Variants in FRAS1 observed in about 807,000 individuals in gnomAD.
FRAS1 encodes Fraser extracellular matrix complex subunit 1.
In FRAS1, 290 loss-of-function variants were observed where a neutral mutation model predicts 435.2. The ratio of observed to expected loss-of-function variants is 0.67; its 90% confidence interval spans 0.61 to 0.73. The LOEUF is 0.73. Ranked by LOEUF, FRAS1 falls within the 30% of genes least tolerant of loss-of-function variation. The probability of loss-of-function intolerance (pLI) is 0.00; values close to 1 mark genes in which losing one functional copy is unlikely to be tolerated. For missense variants in FRAS1, 4,860 were observed against 5,001.5 expected (o/e 0.97, Z 0.85); for synonymous variants, 1,800 against 1,851.0 (o/e 0.97, Z 0.71).
chr4:78,240,727 C>T (rs1724965826), intron 3 of FRAS1, among the ~76,000 whole-genome samples: 1 of 152,144 alleles, frequency 6.6e-6, no homozygotes, highest in Non-Finnish European at 1.5e-5. Context: ...TTAAAGAACT[C>T]ATCCAAAGAG....
chr4:78,343,792 A>G (rs1006882430), intron 20 of FRAS1, among the ~76,000 whole-genome samples: 1 of 152,204 alleles, frequency 6.6e-6, no homozygotes, highest in African/African-American at 2.4e-5. Context: ...GGAGCCTGGT[A>G]CGAGCCAGGG....
chr4:78,269,362 G>A (rs1372415197), intron 9 of FRAS1, among the ~76,000 whole-genome samples: 1 of 152,196 alleles, frequency 6.6e-6, no homozygotes, highest in Admixed American at 6.5e-5. Flanking sequence ...CAGTGGAAGT[G>A]CCCTTTTGAT....
At chr4:78,400,938 G>A (rs1732868629) in intron 30 of FRAS1, 51 bp downstream of exon 30, 1 of 1,584,208 alleles carries the variant, frequency 6.3e-7, no homozygotes, top group Admixed American at 1.7e-5. Flanking sequence ...CAGCAGTCTA[G>A]GGTTTGCTAC....
At position 78,429,197 on chromosome 4, in the gene FRAS1, C is replaced by T. The variant is rs749776166; in HGVS notation, c.4814C>T (p.Ala1605Val). ...TTCCAGGTCACAGCTCCACGGCTGG[C>T]GGTCAGCCCAGGAGGCAGCACTTCT... ...PVFQVTAPRL[A>V]VSPGGSTSVG... is the part of the protein sequence containing the mutation. Residue 1605 changes from alanine (A) to valine (V), a missense_variant, in exon 36 of 74, where the codon GCG (alanine) becomes GTG (valine). Transcript: ENST00000512123. 2.2e-5 allele frequency: 35 copies of T among 1,606,606 alleles called. No homozygotes were observed. Among genetic ancestry groups the T allele is most frequent in the South Asian group, 3.4e-5 (3 of 88,714 alleles).
rs773165523 is a variant in FRAS1, at chr4:78,508,757, T to C, written c.9531T>C (p.His3177=). The C allele has an allele frequency of 9.9e-6, 16 of 1,613,692 alleles. No homozygotes were observed. The highest frequency in any genetic ancestry group is 5.0e-5 in the Admixed American group (3 of 59,978). Residue 3177 remains histidine (H), a synonymous_variant, in exon 63 of 74, where the codon CAT becomes CAC. Coordinates refer to ENST00000512123, the MANE Select transcript of FRAS1 (RefSeq NM_025074.7). ...PIVVTLADYD[H]VEEVTKEGVK... ...TGGTCACACTTGCTGACTATGACCA[T>C]GTGGAAGAAGTTACCAAGGAAGGAG...
intron 2 of FRAS1, among the ~76,000 whole-genome samples, chr4:78,227,555 G>A (rs1724329518): frequency 6.6e-6 from 1 of 152,240 alleles, no homozygotes; most frequent in African/African-American, 2.4e-5. Context: ...GTGAGTGTTA[G>A]TACAACTCAG....
rs530853220 is a variant in FRAS1 at position 78,224,639 on chromosome 4, C to G, written c.109-12871C>G. Among the ~76,000 whole-genome samples the G allele has an allele frequency of 2.0e-4, 30 of 152,100 alleles. No homozygotes were observed. In the South Asian group the frequency reaches 6.2e-3, roughly 32 times the overall value. On this transcript the variant is annotated intron_variant, in intron 2 of 73. Transcript: ENST00000512123. Reference sequence around the variant, plus strand: ...CCTCGACTTCCCAGTCTCAAGCAATCCCCCCACCTCAGCTTCCCATGTAGC... The same window carrying G: ...CCTCGACTTCCCAGTCTCAAGCAATGCCCCCACCTCAGCTTCCCATGTAGC...
At chr4:78,218,449 G>A (rs765833763) in intron 2 of FRAS1, among the ~76,000 whole-genome samples, 12 of 152,148 alleles carry the variant, frequency 7.9e-5, no homozygotes, top group Non-Finnish European at 1.5e-4. Context: ...AGTTCATTAC[G>A]TGAGCATTGC....
Position 78,255,379 on chromosome 4 carries a change from A to T in FRAS1, c.603+4A>T, listed in dbSNP as rs1251167410. The T allele has an allele frequency of 3.1e-6, 5 of 1,588,938 alleles. No homozygotes were observed. The South Asian group carries it at 5.8e-5, about 18-fold the overall frequency. ...TCAGCCTCTATTTTGTAACCAGGTAAGGAAGACAACCTCAGCATGCAGCCT... is the reference window on the plus strand; with the variant it reads ...TCAGCCTCTATTTTGTAACCAGGTATGGAAGACAACCTCAGCATGCAGCCT... On this transcript the variant is annotated splice_donor_region_variant and intron_variant, in intron 6 of 73. Transcript: ENST00000512123.
At chr4:78,145,543 G>A (rs1720380862) in intron 2 of FRAS1, among the ~76,000 whole-genome samples, 1 of 152,048 alleles carries the variant, frequency 6.6e-6, no homozygotes, top group Non-Finnish European at 1.5e-5. Flanking sequence ...TGAAGGAAGG[G>A]TTAGAGAACC....
chr4:78,121,448 G>T (rs926434837), intron 2 of FRAS1, among the ~76,000 whole-genome samples: 1 of 152,208 alleles, frequency 6.6e-6, no homozygotes, highest in Non-Finnish European at 1.5e-5. Context: ...TGTTGGCACA[G>T]TGCTGGGCTG....
At chr4:78,274,997 C>T (rs1459332604) in intron 9 of FRAS1, among the ~76,000 whole-genome samples, 2 of 152,130 alleles carry the variant, frequency 1.3e-5, no homozygotes, top group African/African-American at 4.8e-5. Flanking sequence ...TCTGGGTGCT[C>T]CTGTATTGGG....
chr4:78,305,947 C>A (rs1400064245), intron 14 of FRAS1, among the ~76,000 whole-genome samples: 1 of 151,724 alleles, frequency 6.6e-6, no homozygotes, highest in African/African-American at 2.4e-5. Context: ...GATGCAGTTT[C>A]CTCTTAGTCT....
Position 78,482,363 on chromosome 4 carries a change from A to G in FRAS1, c.8605-25A>G, listed in dbSNP as rs200400727. ...GGTGTTAGATGGTGGGTCCTCTGTCAAGTTTGCTTTGGTTTCTCTTCTAGT... is the reference window on the plus strand; with the variant it reads ...GGTGTTAGATGGTGGGTCCTCTGTCGAGTTTGCTTTGGTTTCTCTTCTAGT... On this transcript the variant is annotated intron_variant, in intron 57 of 73. Transcript: ENST00000512123. The G allele has an allele frequency of 2.4e-4, 380 of 1,613,498 alleles. 2 individuals carry two copies. Among genetic ancestry groups the G allele is most frequent in the Middle Eastern group, 1.7e-4 (1 of 6,046 alleles).
At chr4:78,090,543 G>A (rs982972914) in intron 2 of FRAS1, among the ~76,000 whole-genome samples, 3 of 152,084 alleles carry the variant, frequency 2.0e-5, no homozygotes, top group South Asian at 2.1e-4. Flanking sequence ...GGTCAAAGAG[G>A]CCTCCGTCAC....
chr4:78,419,013 C>T lies in FRAS1; in HGVS notation c.4490C>T (p.Pro1497Leu). The change falls in exon 33 of 74, where the codon CCA (proline) becomes CTA (leucine). Residue 1497 changes from proline (P) to leucine (L), a missense_variant. Physicochemically the swap from Pro to Leu is moderately conservative, Grantham distance 98. Coordinates refer to ENST00000512123, the MANE Select transcript of FRAS1 (RefSeq NM_025074.7). ...CTCTCCTTCATAAACTCTGAGAAGCCAAGTGGAAAGATTGTCTACAACATC... is the reference window on the plus strand; with the variant it reads ...CTCTCCTTCATAAACTCTGAGAAGCTAAGTGGAAAGATTGTCTACAACATC... The part of the protein sequence containing the change: ...HSLSFINSEK[P>L]SGKIVYNITL... 1 of 1,602,896 alleles carries T rather than the reference C, an allele frequency of 6.2e-7. No individual in the cohort carries two copies. Among genetic ancestry groups the T allele is most frequent in the Non-Finnish European group, 8.5e-7 (1 of 1,176,144 alleles).
At chr4:78,401,742 G>A (rs576310237) in intron 30 of FRAS1, among the ~76,000 whole-genome samples, 30 of 151,004 alleles carry the variant, frequency 2.0e-4, no homozygotes, top group African/African-American at 6.8e-4. Flanking sequence ...AAAAAAGCCT[G>A]GTGAAAATTC....
intron 68 of FRAS1, among the ~76,000 whole-genome samples, chr4:78,521,887 A>G (rs1421111188): frequency 2.0e-5 from 3 of 152,236 alleles, no homozygotes; most frequent in African/African-American, 7.2e-5. Context: ...TTATAGAATC[A>G]CAACATCATG....
intron 73 of FRAS1, 38 bp from the exon 74 acceptor site, chr4:78,540,493 G>C: frequency 7.3e-7 from 1 of 1,365,276 alleles, no homozygotes. Flanking sequence ...GAGGTGGTCT[G>C]TGGGCAACAA....
Sources: allele counts gnomAD v4.1 joint callset (sites outside exome capture counted in the v4.1 genomes callset), GRCh38; gene constraint gnomAD v4.1.1; transcripts MANE v1.5; gene names NCBI Gene and HGNC (gene_info 2026-07-23, HGNC 2026-07-21).